Variants in TENM3 observed in about 807,000 individuals in gnomAD.
TENM3 encodes the protein teneurin-3.
Under a neutral mutation model 255.1 loss-of-function variants are expected in TENM3, and 63 were observed. The observed-to-expected ratio is 0.25, with a 90% CI of 0.20 to 0.30. The LOEUF (loss-of-function observed/expected upper bound fraction) is 0.30, where lower values mean the gene tolerates loss of function less well. Among genes scored for constraint, TENM3 ranks in the 10% least tolerant of loss-of-function variants. TENM3 has a pLI of 1.00. For missense variants in TENM3, 2,929 were observed against 3,461.1 expected, an observed-to-expected ratio of 0.85 and a Z score of 3.86; for synonymous variants, 1,306 against 1,322.3, an observed-to-expected ratio of 0.99 and a Z score of 0.27.
At chr4:182,176,950 C>T (rs903405171) in intron 1 of TENM3, among the ~76,000 whole-genome samples, 3 of 149,836 alleles carry the variant, frequency 2.0e-5, no homozygotes, top group Non-Finnish European at 4.4e-5. Context: ...GCTGGAATTA[C>T]AGGCATGAGC....
chr4:182,014,604 C>CCCATTAG, the TENM3 span, among the ~76,000 whole-genome samples: 1 of 4,982 alleles, frequency 2.0e-4, no homozygotes, highest in Non-Finnish European at 1.2e-3. Context: ...GTCTCAGCGG[C>CCCATTAG]ACATTAGATT....
At chr4:181,883,956 C>T in the TENM3 span, among the ~76,000 whole-genome samples, 1 of 152,182 alleles carries the variant, frequency 6.6e-6, no homozygotes, top group Admixed American at 6.5e-5. Context: ...TGCAAGGTTC[C>T]CCATTAATGA....
At chr4:182,142,252 G>A (rs1002945115), upstream of TENM3, 2 of 152,194 alleles carry the variant, frequency 1.3e-5, no homozygotes. Context: ...GGCGACTCTA[G>A]ATTCTTCCCG....
chr4:182,765,134 T>TA (rs11411695), intron 22 of TENM3, among the ~76,000 whole-genome samples: 65,863 of 151,114 alleles, frequency 0.44, 14,781 homozygotes, highest in South Asian at 0.54. Flanking sequence ...AGCATGTGAT[T>TA]AAAAAAAAAT....
the TENM3 span, among the ~76,000 whole-genome samples, chr4:181,771,178 T>C: frequency 9.5e-4 from 144 of 152,280 alleles, no homozygotes; most frequent in Non-Finnish European, 5.4e-4. Flanking sequence ...AATGTGTGCC[T>C]TTAAATATGT....
At chr4:182,252,650 A>G (rs994739754) in intron 1 of TENM3, among the ~76,000 whole-genome samples, 1 of 152,172 alleles carries the variant, frequency 6.6e-6, no homozygotes, top group Non-Finnish European at 1.5e-5. Context: ...ATTTACCTGC[A>G]TATTTAAATG....
the TENM3 span, among the ~76,000 whole-genome samples, chr4:181,917,650 C>CTT: frequency 2.9e-5 from 4 of 136,222 alleles, no homozygotes; most frequent in African/African-American, 1.1e-4. Context: ...CCTCAGACTT[C>CTT]TTTTTTTTTT....
chr4:181,539,513 G>A, the TENM3 span, among the ~76,000 whole-genome samples: 19 of 152,258 alleles, frequency 1.2e-4, no homozygotes, highest in East Asian at 1.9e-3. Context: ...TTCCATTCCA[G>A]TAAAACTTAA....
chr4:181,631,215 A>T, the TENM3 span, among the ~76,000 whole-genome samples: 2 of 151,896 alleles, frequency 1.3e-5, no homozygotes, highest in African/African-American at 4.8e-5. Context: ...CCAGAGGCTG[A>T]TCTCAGCTCC....
At chr4:182,443,906 CA>C in intron 3 of TENM3, among the ~76,000 whole-genome samples, 1 of 152,294 alleles carries the variant, frequency 6.6e-6, no homozygotes, top group Non-Finnish European at 1.5e-5. Flanking sequence ...TCAGATTCCA[CA>C]AAGCATTTGG....
intron 6 of TENM3, among the ~76,000 whole-genome samples, chr4:182,665,788 C>T (rs963931725): frequency 9.9e-5 from 15 of 151,996 alleles, no homozygotes; most frequent in African/African-American, 3.4e-4. Flanking sequence ...CCCAGCTACT[C>T]AGGAGGCTGA....
At chr4:181,477,706 C>A in the TENM3 span, among the ~76,000 whole-genome samples, 1 of 152,110 alleles carries the variant, frequency 6.6e-6, no homozygotes, top group African/African-American at 2.4e-5. Flanking sequence ...TTGCTGCCAG[C>A]AACAACAACG....
At chr4:182,607,157 A>G (rs1306710057) in intron 4 of TENM3, among the ~76,000 whole-genome samples, 1 of 152,242 alleles carries the variant, frequency 6.6e-6, no homozygotes, top group East Asian at 1.9e-4. Context: ...TAAAATAATT[A>G]CCAAATGGTA....
At chr4:182,669,680 T>TATCTG in intron 6 of TENM3, among the ~76,000 whole-genome samples, 1 of 152,224 alleles carries the variant, frequency 6.6e-6, no homozygotes, top group Non-Finnish European at 1.5e-5. Context: ...TGACTTAATA[T>TATCTG]ATCTGATTTT....
the TENM3 span, among the ~76,000 whole-genome samples, chr4:181,552,597 A>G: frequency 6.6e-6 from 1 of 152,212 alleles, no homozygotes; most frequent in South Asian, 2.1e-4. Flanking sequence ...TTATTTTGAG[A>G]ACGTGCCATA....
At chr4:182,645,287 G>A (rs530541246) in intron 5 of TENM3, among the ~76,000 whole-genome samples, 94 of 152,060 alleles carry the variant, frequency 6.2e-4, no homozygotes, top group Middle Eastern at 6.8e-3. Flanking sequence ...AAAGTTTGAA[G>A]TATAGCCCAG....
the TENM3 span, among the ~76,000 whole-genome samples, chr4:181,553,455 A>T: frequency 3.3e-5 from 5 of 151,666 alleles, no homozygotes; most frequent in East Asian, 1.9e-4. Context: ...TTATTTATTT[A>T]TTTTGAGGCG....
chr4:181,779,808 C>G, the TENM3 span, among the ~76,000 whole-genome samples: 1 of 152,042 alleles, frequency 6.6e-6, no homozygotes, highest in African/African-American at 2.4e-5. Context: ...CCACGACAGG[C>G]CCCAGTGTGT....
chr4:181,832,381 C>A, the TENM3 span, among the ~76,000 whole-genome samples: 93 of 152,280 alleles, frequency 6.1e-4, no homozygotes, highest in African/African-American at 2.2e-3. Flanking sequence ...TGTTTCCCTG[C>A]TACAGAACCT....
Sources: gnomAD v4.1 joint callset for allele counts (sites outside exome capture counted in the v4.1 genomes callset) on GRCh38, gnomAD v4.1.1 for gene constraint, MANE v1.5 for transcripts, NCBI Gene and HGNC (gene_info 2026-07-23, HGNC 2026-07-21) for gene names.